MGAT5: variants seen among roughly 807,000 people sequenced by gnomAD.
The protein encoded by MGAT5 is alpha-1,6-mannosylglycoprotein 6-beta-N-acetylglucosaminyltransferase A.
MGAT5 carries 30 observed loss-of-function variants against 94.3 expected under a neutral mutation model. The ratio of observed to expected loss-of-function variants is 0.32; its 90% CI spans 0.24 to 0.43. The LOEUF is 0.43. Ranked by LOEUF, MGAT5 falls within the 20% of genes least tolerant of loss-of-function variation. The probability of loss-of-function intolerance (pLI) is 1.00; values close to 1 mark genes in which losing one functional copy is unlikely to be tolerated. For synonymous variants in MGAT5, 310 were observed against 322.9 expected (o/e 0.96, Z 0.43); for missense variants, 691 against 905.5 (o/e 0.76, Z 3.04).
At chr2:134,177,038 G>T (rs1286447675) in intron 1 of MGAT5, among the ~76,000 whole-genome samples, 1 of 151,840 alleles carries the variant, frequency 6.6e-6, no homozygotes, top group Non-Finnish European at 1.5e-5. Flanking sequence ...GAAGGGACAT[G>T]CTGCAGTTAT....
chr2:134,336,387 A>C, intron 5 of MGAT5, 99 bp downstream of exon 5: 2 of 990,342 alleles, frequency 2.0e-6, no homozygotes, highest in South Asian at 2.9e-5. Flanking sequence ...ATAACCTGAA[A>C]TAGTGTTACA....
At chr2:134,176,719 A>G (rs1396837449) in intron 1 of MGAT5, among the ~76,000 whole-genome samples, 1 of 152,206 alleles carries the variant, frequency 6.6e-6, no homozygotes, top group Non-Finnish European at 1.5e-5. Flanking sequence ...AATTGCTATA[A>G]AAGTTTCTAG....
At chr2:134,186,918 T>C (rs1265933615) in intron 1 of MGAT5, among the ~76,000 whole-genome samples, 1 of 152,110 alleles carries the variant, frequency 6.6e-6, no homozygotes, top group East Asian at 1.9e-4. Flanking sequence ...GGGCAGGAGA[T>C]AGTGCCGCGT....
At chr2:134,156,730 G>A (rs925122253) in intron 1 of MGAT5, among the ~76,000 whole-genome samples, 5 of 152,128 alleles carry the variant, frequency 3.3e-5, no homozygotes, top group African/African-American at 7.2e-5. Flanking sequence ...AGTCCGTTTC[G>A]AGGGCTGTGA....
intron 1 of MGAT5, among the ~76,000 whole-genome samples, chr2:134,189,612 T>TTTTTTTTTTGTTTTG (rs1689263523): frequency 1.1e-4 from 10 of 92,918 alleles, no homozygotes; most frequent in Admixed American, 2.5e-4. Context: ...GTTTTTTTTT[T>TTTTTTTTTTGTTTTG]TTTTTTTTAA....
chr2:134,309,821 C>CA (rs942378404), intron 2 of MGAT5, among the ~76,000 whole-genome samples: 1 of 151,680 alleles, frequency 6.6e-6, no homozygotes, highest in African/African-American at 2.4e-5. Flanking sequence ...ACTAATTTAC[C>CA]AAAAAAAGGA....
chr2:134,166,856 T>C (rs1199075511), intron 1 of MGAT5, among the ~76,000 whole-genome samples: 1 of 152,206 alleles, frequency 6.6e-6, no homozygotes, highest in African/African-American at 2.4e-5. Context: ...TCAACTGTTT[T>C]TTTTCTTTAT....
At chr2:134,126,915 A>C (rs1573702931) in intron 1 of MGAT5, among the ~76,000 whole-genome samples, 1 of 147,758 alleles carries the variant, frequency 6.8e-6, no homozygotes, top group South Asian at 2.1e-4. Flanking sequence ...TCTTATTTTC[A>C]CCTCCAGTTT....
intron 1 of MGAT5, among the ~76,000 whole-genome samples, chr2:134,265,380 G>A (rs1683646830): frequency 6.6e-6 from 1 of 152,130 alleles, no homozygotes; most frequent in Non-Finnish European, 1.5e-5. Flanking sequence ...TTGGCTGTCT[G>A]CTCAAGGATG....
chr2:134,326,619 T>G (rs1232348349), intron 4 of MGAT5, among the ~76,000 whole-genome samples: 1 of 152,130 alleles, frequency 6.6e-6, no homozygotes, highest in African/African-American at 2.4e-5. Flanking sequence ...TTGATTTTTT[T>G]CTGGCTGCTG....
At chr2:134,192,769 C>T (rs1381793486) in intron 1 of MGAT5, among the ~76,000 whole-genome samples, 1 of 151,900 alleles carries the variant, frequency 6.6e-6, no homozygotes, top group Non-Finnish European at 1.5e-5. Context: ...GCAATTACTA[C>T]TTAGCTTTTA....
intron 1 of MGAT5, among the ~76,000 whole-genome samples, chr2:134,168,079 A>G (rs1167902573): frequency 2.6e-5 from 4 of 152,218 alleles, no homozygotes; most frequent in African/African-American, 9.7e-5. Flanking sequence ...CAGTGGTTCT[A>G]GAACTGCCTG....
At chr2:134,334,759 T>C (rs1029779310) in intron 4 of MGAT5, among the ~76,000 whole-genome samples, 1 of 152,092 alleles carries the variant, frequency 6.6e-6, no homozygotes, top group African/African-American at 2.4e-5. Flanking sequence ...ATTTTTCTCA[T>C]TTGTGGAGCT....
At chr2:134,188,933 T>G (rs1689176082) in intron 1 of MGAT5, among the ~76,000 whole-genome samples, 1 of 152,188 alleles carries the variant, frequency 6.6e-6, no homozygotes, top group Non-Finnish European at 1.5e-5. Context: ...TATTTTCAAC[T>G]ATGGTTTTAT....
intron 12 of MGAT5, among the ~76,000 whole-genome samples, chr2:134,419,693 C>T (rs1378333433): frequency 6.6e-6 from 1 of 152,082 alleles, no homozygotes; most frequent in Non-Finnish European, 1.5e-5. Flanking sequence ...TAATGAATCA[C>T]AAAATGCCTC....
At chr2:134,234,046 C>G (rs1339558399) in intron 1 of MGAT5, among the ~76,000 whole-genome samples, 1 of 152,222 alleles carries the variant, frequency 6.6e-6, no homozygotes, top group African/African-American at 2.4e-5. Flanking sequence ...TATGTCCTTT[C>G]ATGATGGGTA....
At chr2:134,317,668 C>T (rs1196327058) in intron 3 of MGAT5, 63 bp downstream of exon 3, 1 of 1,114,162 alleles carries the variant, frequency 9.0e-7, no homozygotes, top group South Asian at 1.8e-5. Flanking sequence ...CCCTTCTCTT[C>T]CTTTTCCTCC....
intron 15 of MGAT5, among the ~76,000 whole-genome samples, chr2:134,445,979 G>T (rs532876424): frequency 1.3e-5 from 2 of 152,300 alleles, no homozygotes; most frequent in African/African-American, 2.4e-5. Context: ...TATGGGATGG[G>T]CACATGCATG....
intron 1 of MGAT5, among the ~76,000 whole-genome samples, chr2:134,235,993 G>A (rs143699386): frequency 1.1e-3 from 171 of 152,204 alleles, no homozygotes; most frequent in African/African-American, 4.0e-3. Flanking sequence ...TCATTCTGAA[G>A]TAGTGAAAAC....
Sources: allele counts gnomAD v4.1 joint callset (sites outside exome capture counted in the v4.1 genomes callset), GRCh38; gene constraint gnomAD v4.1.1; transcripts MANE v1.5; gene names NCBI Gene and HGNC (gene_info 2026-07-23, HGNC 2026-07-21).